Variants in KCNH5 observed in about 807,000 individuals in gnomAD.
The protein encoded by KCNH5 is voltage-gated delayed rectifier potassium channel KCNH5.
Under a neutral mutation model 96.1 loss-of-function variants are expected in KCNH5, and 46 were observed. That is an observed-to-expected ratio of 0.48 (90% CI 0.38 to 0.61). KCNH5 has a LOEUF of 0.61. KCNH5 is among the 20% of genes least tolerant of loss of function. KCNH5 has a pLI of 0.00. For missense variants in KCNH5, 907 were observed against 1,225.8 expected (o/e 0.74, Z 3.88); for synonymous variants, 439 against 449.8 (o/e 0.98, Z 0.30).
chr14:62,739,474 A>G (rs1243083895), intron 10 of KCNH5, among the ~76,000 whole-genome samples: 1 of 152,130 alleles, frequency 6.6e-6, no homozygotes, highest in East Asian at 1.9e-4. Flanking sequence ...GTGTTAGAGT[A>G]TGTAGGCATT....
At chr14:63,029,157 T>C (rs1891579140) in intron 1 of KCNH5, among the ~76,000 whole-genome samples, 1 of 152,154 alleles carries the variant, frequency 6.6e-6, no homozygotes, top group African/African-American at 2.4e-5. Flanking sequence ...TATAAAACCG[T>C]AGTTGAGTAA....
chr14:62,838,733 C>A (rs563047219), intron 8 of KCNH5, among the ~76,000 whole-genome samples: 8 of 152,240 alleles, frequency 5.3e-5, no homozygotes, highest in African/African-American at 1.7e-4. Context: ...ATCCAAGTTT[C>A]CCTGTGTGTG....
Position 62,941,715 on chromosome 14 carries a change from C to T in KCNH5, c.1369+8418G>A, listed in dbSNP as rs190649364. ...GCATTTTCTACCTACACCGCAATAA[C>T]AAGGCCAAGACAAATTTTAACATGT... On this transcript the variant is annotated intron_variant, in intron 7 of 10. Coordinates refer to ENST00000322893, the MANE Select transcript of KCNH5 (RefSeq NM_139318.5). Among the ~76,000 whole-genome samples, 45 of 152,236 alleles carry T rather than the reference C, an allele frequency of 3.0e-4. 1 individual carries two copies. Among genetic ancestry groups the T allele is most frequent in the African/African-American group, 1.0e-3 (43 of 41,534 alleles).
chr14:62,951,171 T>C (rs1889998401), intron 6 of KCNH5, among the ~76,000 whole-genome samples: 1 of 152,070 alleles, frequency 6.6e-6, no homozygotes, highest in African/African-American at 2.4e-5. Flanking sequence ...GAGCTGAACC[T>C]GAAATGGGTG....
intron 10 of KCNH5, among the ~76,000 whole-genome samples, chr14:62,738,419 C>A (rs1295931860): frequency 4.6e-5 from 7 of 152,132 alleles, no homozygotes; most frequent in African/African-American, 1.7e-4. Flanking sequence ...GAACTCAGTG[C>A]AGTTAAGCTT....
intron 7 of KCNH5, among the ~76,000 whole-genome samples, chr14:62,926,374 C>G (rs1889476775): frequency 6.6e-6 from 1 of 152,046 alleles, no homozygotes; most frequent in Non-Finnish European, 1.5e-5. Flanking sequence ...CTTAGGAAAT[C>G]TAAAGTCCCC....
intron 6 of KCNH5, among the ~76,000 whole-genome samples, chr14:62,955,206 C>T (rs1278629992): frequency 2.0e-5 from 3 of 152,080 alleles, no homozygotes; most frequent in Non-Finnish European, 4.4e-5. Flanking sequence ...GAGGGCTGAG[C>T]TCACTCTGTA....
rs554193284 is a variant in KCNH5 at position 62,767,854 on chromosome 14, A to G, written c.2019+11874T>C. On this transcript the variant is annotated intron_variant, in intron 10 of 10. Coordinates refer to ENST00000322893, the MANE Select transcript of KCNH5 (RefSeq NM_139318.5). ...TAAACAAAATGTGATATGTATACAC[A>G]CAATGGAATACCATTCAGCCATTAT... 8.3e-4 allele frequency among the ~76,000 whole-genome samples: 126 copies of G among 152,354 alleles called. 1 individual carries two copies. Among genetic ancestry groups the G allele is most frequent in the Non-Finnish European group, 1.0e-3 (70 of 68,034 alleles).
At chr14:62,861,889 C>G (rs1222915085) in intron 7 of KCNH5, among the ~76,000 whole-genome samples, 1 of 151,982 alleles carries the variant, frequency 6.6e-6, no homozygotes, top group Non-Finnish European at 1.5e-5. Context: ...ATTACCTTAC[C>G]TATTTATAAG....
At chr14:62,939,206 C>T (rs1180779852) in intron 7 of KCNH5, among the ~76,000 whole-genome samples, 1 of 152,140 alleles carries the variant, frequency 6.6e-6, no homozygotes, top group Non-Finnish European at 1.5e-5. Context: ...CTTCTTAAAG[C>T]TCTCTCATCC....
chr14:62,746,554 G>A (rs941319357), intron 10 of KCNH5, among the ~76,000 whole-genome samples: 1 of 152,224 alleles, frequency 6.6e-6, no homozygotes, highest in Admixed American at 6.5e-5. Flanking sequence ...CCATTAGCAG[G>A]CCAGCCATCT....
At chr14:62,773,381 G>A (rs11846818) in intron 10 of KCNH5, among the ~76,000 whole-genome samples, 4,984 of 152,170 alleles carry the variant, frequency 0.033, 146 homozygotes, top group African/African-American at 0.084. Flanking sequence ...CCTCCCCTTG[G>A]ACAAACTGAA....
At chr14:62,994,784 C>T (rs2139583752) in intron 4 of KCNH5, among the ~76,000 whole-genome samples, 1 of 151,968 alleles carries the variant, frequency 6.6e-6, no homozygotes, top group East Asian at 1.9e-4. Flanking sequence ...AGACGTTGAG[C>T]GTCAGAATCT....
At chr14:62,948,145 A>G (rs536650039) in intron 7 of KCNH5, among the ~76,000 whole-genome samples, 17 of 152,288 alleles carry the variant, frequency 1.1e-4, no homozygotes, top group African/African-American at 3.6e-4. Flanking sequence ...TGTCCCTACA[A>G]AGGACATGAA....
intron 9 of KCNH5, among the ~76,000 whole-genome samples, chr14:62,793,142 A>C (rs1242498380): frequency 6.6e-6 from 1 of 151,714 alleles, no homozygotes; most frequent in Non-Finnish European, 1.5e-5. Context: ...CAGGGCTTGG[A>C]AGATGGGGGA....
Position 63,001,070 on chromosome 14 carries a change from G to A in KCNH5, c.433+261C>T, listed in dbSNP as rs200639657. ...AGCCCAAGCAACAGAGTGAGACCTT[G>A]ACTAAAAGACAAACAAAAAAAATGC... On this transcript the variant is annotated intron_variant, in intron 4 of 10. Transcript: ENST00000322893. 3.3e-5 allele frequency among the ~76,000 whole-genome samples: 5 copies of A among 152,052 alleles called. No homozygotes were observed. The South Asian group carries it at 8.3e-4, about 25-fold the overall frequency.
At chr14:63,029,351 G>C (rs1891583862) in intron 1 of KCNH5, among the ~76,000 whole-genome samples, 1 of 152,108 alleles carries the variant, frequency 6.6e-6, no homozygotes, top group Admixed American at 6.6e-5. Context: ...CTGGTTGCCT[G>C]ATATACAAAC....
chr14:62,716,191 G>A (rs1884681249), intron 10 of KCNH5, among the ~76,000 whole-genome samples: 1 of 152,034 alleles, frequency 6.6e-6, no homozygotes, highest in Admixed American at 6.6e-5. Context: ...AATATAGAAG[G>A]AAAGCAAAGT....
At chr14:62,813,591 G>A (rs1192723961) in intron 8 of KCNH5, among the ~76,000 whole-genome samples, 1 of 152,046 alleles carries the variant, frequency 6.6e-6, no homozygotes, top group Non-Finnish European at 1.5e-5. Flanking sequence ...CTATTTTTAG[G>A]ACAAAGGAAT....
Sources: allele counts gnomAD v4.1 joint callset (sites outside exome capture counted in the v4.1 genomes callset), GRCh38; gene constraint gnomAD v4.1.1; transcripts MANE v1.5; gene names NCBI Gene and HGNC (gene_info 2026-07-23, HGNC 2026-07-21).